Variants in CDK6 observed in about 807,000 individuals in gnomAD.
CDK6 encodes the protein cyclin dependent kinase 6, also known as cyclin-dependent kinase 6.
CDK6 carries 6 observed loss-of-function variants against 37.1 expected under a neutral mutation model. That is an observed-to-expected ratio of 0.16 (90% CI 0.09 to 0.32). CDK6 has a LOEUF of 0.32. Among genes scored for constraint, CDK6 ranks in the 10% least tolerant of loss-of-function variants. The pLI is 1.00. For synonymous variants in CDK6, 160 were observed against 161.3 expected (o/e 0.99, Z 0.06); for missense variants, 224 against 418.9 (o/e 0.53, Z 4.06).
At chr7:92,664,232 C>A (rs998393753) in intron 5 of CDK6, among the ~76,000 whole-genome samples, 2 of 151,994 alleles carry the variant, frequency 1.3e-5, no homozygotes, top group African/African-American at 4.8e-5. Context: ...AGGAAAATAT[C>A]CAACAAAAGG....
chr7:92,717,125 T>C (rs1798245791), intron 4 of CDK6, among the ~76,000 whole-genome samples: 1 of 151,854 alleles, frequency 6.6e-6, no homozygotes, highest in Non-Finnish European at 1.5e-5. Context: ...GACAAGAGGA[T>C]TGCTTGAGGA....
intron 4 of CDK6, among the ~76,000 whole-genome samples, chr7:92,679,734 T>C (rs1161972859): frequency 1.3e-5 from 2 of 152,144 alleles, no homozygotes; most frequent in African/African-American, 4.8e-5. Context: ...CTTCTTTTTT[T>C]TTTCGAGACA....
At chr7:92,802,936 C>T (rs1800620560) in intron 2 of CDK6, among the ~76,000 whole-genome samples, 1 of 152,128 alleles carries the variant, frequency 6.6e-6, no homozygotes, top group African/African-American at 2.4e-5. Flanking sequence ...TGCCAAATGT[C>T]CCCTAGGAGC....
chr7:92,746,707 C>T (rs979780242), intron 3 of CDK6, among the ~76,000 whole-genome samples: 3 of 152,034 alleles, frequency 2.0e-5, no homozygotes, highest in Non-Finnish European at 4.4e-5. Context: ...AGTTGGTGTA[C>T]GAGACTATCC....
chr7:92,744,322 T>C (rs1707899749), intron 3 of CDK6, among the ~76,000 whole-genome samples: 1 of 152,144 alleles, frequency 6.6e-6, no homozygotes, highest in South Asian at 2.1e-4. Context: ...AGGGAAGAGA[T>C]AATGAAAGCC....
chr7:92,674,195 T>C lies in CDK6; in HGVS notation c.538-2660A>G, dbSNP rs138554500. On this transcript the variant is annotated intron_variant, in intron 4 of 7. Transcript: ENST00000424848. ...TCGCTCTTGTCTCCATGCTTTTGTT[T>C]ATATCATTTTCCTAGCCTGGGCAAC... Among the ~76,000 whole-genome samples the C allele has an allele frequency of 6.0e-3, 919 of 152,164 alleles. 8 individuals are homozygous for C. Among genetic ancestry groups the C allele is most frequent in the African/African-American group, 0.021 (880 of 41,504 alleles).
At chr7:92,794,930 A>G (rs1483452754) in intron 2 of CDK6, among the ~76,000 whole-genome samples, 3 of 152,256 alleles carry the variant, frequency 2.0e-5, no homozygotes, top group East Asian at 3.9e-4. Context: ...ACGATTCTGA[A>G]GATAATTCCA....
intron 2 of CDK6, among the ~76,000 whole-genome samples, chr7:92,785,499 T>G (rs761965681): frequency 6.6e-6 from 1 of 152,226 alleles, no homozygotes; most frequent in Non-Finnish European, 1.5e-5. Context: ...GTAAGTATAC[T>G]GACCTGAAGT....
At chr7:92,822,798 G>A (rs561833502) in intron 2 of CDK6, among the ~76,000 whole-genome samples, 109 of 152,122 alleles carry the variant, frequency 7.2e-4, no homozygotes, top group Non-Finnish European at 1.0e-3. Context: ...GAGTTTACTC[G>A]TTCCATAAGC....
chr7:92,619,823 T>C lies in CDK6; in HGVS notation c.699-1616A>G, dbSNP rs545086134. Among the ~76,000 whole-genome samples the C allele has an allele frequency of 6.8e-4, 103 of 151,810 alleles. 2 individuals carry two copies. The highest frequency in any genetic ancestry group is 9.9e-4 in the African/African-American group (41 of 41,380). On this transcript the variant is annotated intron_variant, in intron 6 of 7. Coordinates refer to ENST00000424848, the MANE Select transcript of CDK6 (RefSeq NM_001145306.2). ...GGACATATTTACTAGAAGCAATAAA[T>C]AGAAATGACAATGAGCAATATATAG...
Position 92,833,566 on chromosome 7 carries a change from G to A in CDK6, c.-243C>T, listed in dbSNP as rs1584133408. Reference sequence around the variant, plus strand: ...GCCGCGAAACTCCGCCTGCAGAGTCGCCGCCGCCGCCGCCGCCGGAGGAGC... The same window carrying A: ...GCCGCGAAACTCCGCCTGCAGAGTCACCGCCGCCGCCGCCGCCGGAGGAGC... On this transcript the variant is annotated 5_prime_UTR_variant, in exon 2 of 8. Coordinates refer to ENST00000424848, the MANE Select transcript of CDK6 (RefSeq NM_001145306.2). This position sits in a 1 kb window ranked among gnomAD's most constrained non-coding sequence, Gnocchi z 6.1. 2.0e-6 allele frequency: 1 copy of A among 510,228 alleles called. No individual in the cohort carries two copies. Among genetic ancestry groups the A allele is most frequent in the Non-Finnish European group, 3.4e-6 (1 of 294,312 alleles). The allele number at this position is 510,228 out of a possible 1,614,324, so 31.6% of individuals were successfully genotyped here.
At chr7:92,733,912 G>A (rs1197273862) in intron 3 of CDK6, among the ~76,000 whole-genome samples, 2 of 152,024 alleles carry the variant, frequency 1.3e-5, no homozygotes, top group Admixed American at 6.6e-5. Context: ...TACCCAGGTT[G>A]GCCTCAAATT....
At position 92,613,953 on chromosome 7, in the gene CDK6, G is replaced by C. The variant is rs183424870; in HGVS notation, c.*1187C>G. 3 of 233,076 alleles carry C rather than the reference G, an allele frequency of 1.3e-5. No individual in the cohort carries two copies. Among genetic ancestry groups the C allele is most frequent in the African/African-American group, 6.6e-5 (3 of 45,348 alleles). The allele number at this position is 233,076 out of a possible 1,614,324, so 14.4% of individuals were successfully genotyped here. On this transcript the variant is annotated 3_prime_UTR_variant, in exon 8 of 8. Coordinates refer to ENST00000424848, the MANE Select transcript of CDK6 (RefSeq NM_001145306.2). ...AAGCAAGCAAACAGGTGGTGCATGG[G>C]AACAGCTTAAGCAATCTGTTATTAG...
At chr7:92,753,813 T>G (rs1799247369) in intron 3 of CDK6, among the ~76,000 whole-genome samples, 1 of 152,226 alleles carries the variant, frequency 6.6e-6, no homozygotes, top group South Asian at 2.1e-4. Flanking sequence ...CTGCTTTCAA[T>G]GAGGTAGGAG....
At chr7:92,738,457 T>C (rs1432417598) in intron 3 of CDK6, among the ~76,000 whole-genome samples, 1 of 151,996 alleles carries the variant, frequency 6.6e-6, no homozygotes, top group Admixed American at 6.6e-5. Flanking sequence ...CTGACCAACA[T>C]GGTAAAATCC....
At chr7:92,637,788 C>T (rs1000226253) in intron 5 of CDK6, among the ~76,000 whole-genome samples, 6 of 151,936 alleles carry the variant, frequency 3.9e-5, no homozygotes, top group Admixed American at 1.3e-4. Context: ...TAACAGCCAA[C>T]GACAAGGCCA....
Position 92,732,021 on chromosome 7 carries a change from G to A in CDK6, c.370-6228C>T, listed in dbSNP as rs149667988. 1.5e-3 allele frequency among the ~76,000 whole-genome samples: 235 copies of A among 152,338 alleles called. 1 individual carries two copies. The highest frequency in any genetic ancestry group is 4.5e-3 in the Admixed American group (69 of 15,304). On this transcript the variant is annotated intron_variant, in intron 3 of 7. Coordinates refer to ENST00000424848, the MANE Select transcript of CDK6 (RefSeq NM_001145306.2). ...CCAAGTTCCTAGGTTGTTGGGTAAT[G>A]ACCCAAGTGGCTATCATTCTATACA... is the stretch of plus-strand genomic sequence containing the variant.
intron 5 of CDK6, among the ~76,000 whole-genome samples, chr7:92,630,361 G>A (rs1353026142): frequency 6.6e-6 from 1 of 151,620 alleles, no homozygotes; most frequent in Non-Finnish European, 1.5e-5. Flanking sequence ...TGTTCAGGGG[G>A]ATTCTTAAGG....
chr7:92,731,694 T>C (rs1309817352), intron 3 of CDK6, among the ~76,000 whole-genome samples: 1 of 152,054 alleles, frequency 6.6e-6, no homozygotes, highest in Non-Finnish European at 1.5e-5. Flanking sequence ...TTTTTATTCA[T>C]TCCTGGAAGT....
Sources: allele counts gnomAD v4.1 joint callset (sites outside exome capture counted in the v4.1 genomes callset), GRCh38; gene constraint gnomAD v4.1.1; non-coding constraint Gnocchi (gnomAD v3.1); transcripts MANE v1.5; gene names NCBI Gene and HGNC (gene_info 2026-07-23, HGNC 2026-07-21).